Variants in ABCA13 observed in about 807,000 individuals in gnomAD.
ABCA13 encodes the protein ATP-binding cassette sub-family A member 13.
ABCA13 carries 476 observed loss-of-function variants against 478.7 expected under a neutral mutation model. The ratio of observed to expected loss-of-function variants is 0.99; its 90% CI spans 0.92 to 1.07. ABCA13 has a LOEUF of 1.07. Ranked by LOEUF, ABCA13 falls within the 50% of genes least tolerant of loss-of-function variation. The pLI is 0.00. For missense variants in ABCA13, 6,060 were observed against 5,910.6 expected, an observed-to-expected ratio of 1.03 and a Z score of -0.83; for synonymous variants, 2,252 against 2,158.9, an observed-to-expected ratio of 1.04 and a Z score of -1.20.
In ABCA13 at chr7:48,236,875, C is replaced by T. The variant is rs564126670; in HGVS notation, c.898-2366C>T. ...GTAATTGCCTGGTGAGCTCTTCCTG[C>T]CCACTGCACAGACAAAACCAATTCA... On this transcript the variant is annotated intron_variant, in intron 8 of 61. Coordinates refer to ENST00000435803, the MANE Select transcript of ABCA13 (RefSeq NM_152701.5). 1.3e-5 allele frequency among the ~76,000 whole-genome samples: 2 copies of T among 152,248 alleles called. 1 individual carries two copies. Among genetic ancestry groups the T allele is most frequent in the South Asian group, 4.1e-4 (2 of 4,824 alleles).
At chr7:48,330,031 AT>A (rs1805014841) in intron 27 of ABCA13, among the ~76,000 whole-genome samples, 1 of 2,316 alleles carries the variant, frequency 4.3e-4, no homozygotes, top group Admixed American at 6.9e-3. Flanking sequence ...TGATCTATTT[AT>A]CCATCCATCC....
intron 46 of ABCA13, 58 bp downstream of exon 46, chr7:48,481,212 T>C: frequency 7.5e-7 from 1 of 1,341,278 alleles, no homozygotes; most frequent in South Asian, 1.3e-5. Flanking sequence ...GAAAACTTAT[T>C]GTTTTAAATG....
chr7:48,543,898 A>T (rs1267653558), intron 55 of ABCA13, among the ~76,000 whole-genome samples: 2 of 151,748 alleles, frequency 1.3e-5, no homozygotes, highest in Non-Finnish European at 2.9e-5. Flanking sequence ...GGCAATATAT[A>T]TAAAAAATAC....
intron 61 of ABCA13, 38 bp downstream of exon 61, chr7:48,644,792 G>A (rs1342970446): frequency 1.3e-6 from 2 of 1,532,052 alleles, no homozygotes; most frequent in Non-Finnish European, 1.7e-6. Context: ...TTGAATTTTG[G>A]TCTGTTCATC....
At chr7:48,549,633 A>G (rs1454040079) in intron 55 of ABCA13, among the ~76,000 whole-genome samples, 1 of 146,914 alleles carries the variant, frequency 6.8e-6, no homozygotes, top group Non-Finnish European at 1.5e-5. Context: ...TCTTTGAGGA[A>G]TCACCACACG....
chr7:48,418,762 T>A (rs2129113265), intron 41 of ABCA13, among the ~76,000 whole-genome samples: 1 of 152,358 alleles, frequency 6.6e-6, no homozygotes, highest in East Asian at 1.9e-4. Flanking sequence ...AGTGGTGTAT[T>A]TTCAGATTAG....
chr7:48,384,422 T>C (rs1409978276), intron 35 of ABCA13, among the ~76,000 whole-genome samples: 2 of 152,232 alleles, frequency 1.3e-5, no homozygotes, highest in East Asian at 1.9e-4. Context: ...GGCTAACCAG[T>C]GTGTAGCTTC....
At position 48,643,385 on chromosome 7, in the gene ABCA13, C is replaced by G; in HGVS notation, c.14935C>G (p.Gln4979Glu). 6.2e-7 allele frequency: 1 copy of G among 1,611,344 alleles called. No homozygotes were observed. Among genetic ancestry groups the G allele is most frequent in the East Asian group, 2.2e-5 (1 of 44,836 alleles). The change falls in exon 60 of 62, where the codon CAG becomes GAG. Residue 4979 changes from glutamine to glutamate, a missense_variant. Coordinates refer to ENST00000435803, the MANE Select transcript of ABCA13 (RefSeq NM_152701.5). ...DHLKLYFPGI[Q>E]FKGQHLNLLE... is the part of the protein sequence containing the mutation. ...CTTGAAGCTTTATTTTCCAGGAATT[C>G]AGTTCAAGGTAGTGCTAATATCTTG...
intron 31 of ABCA13, among the ~76,000 whole-genome samples, chr7:48,362,409 C>CTTTTTTTTTTTT (rs35795708): frequency 1.4e-4 from 12 of 86,010 alleles, no homozygotes; most frequent in African/African-American, 3.7e-4. Flanking sequence ...TCCTCTTCTT[C>CTTTTTTTTTTTT]TTTTTTTTTT....
chr7:48,498,020 C>T (rs1390481199), intron 48 of ABCA13, among the ~76,000 whole-genome samples: 2 of 152,134 alleles, frequency 1.3e-5, no homozygotes, highest in Non-Finnish European at 2.9e-5. Flanking sequence ...GTTGGTCCCT[C>T]ATGACATGAG....
chr7:48,473,804 T>C (rs1827782864), intron 45 of ABCA13, among the ~76,000 whole-genome samples: 1 of 152,162 alleles, frequency 6.6e-6, no homozygotes, highest in Non-Finnish European at 1.5e-5. Context: ...TAAAAAGTTT[T>C]TTTGTTTGTC....
rs148700648 is a variant in ABCA13, at chr7:48,417,744, T to A, written c.12459+5161T>A. 2.0e-3 allele frequency among the ~76,000 whole-genome samples: 312 copies of A among 152,288 alleles called. 4 individuals carry two copies. The highest frequency in any genetic ancestry group is 6.6e-3 in the African/African-American group (276 of 41,550). On this transcript the variant is annotated intron_variant, in intron 41 of 61. Coordinates refer to ENST00000435803, the MANE Select transcript of ABCA13 (RefSeq NM_152701.5). Reference sequence around the variant, plus strand: ...CTGTTGTACATTCCATGGGTTTGGATGAGTATATAATTCCATGTATCTGCC... The same window carrying A: ...CTGTTGTACATTCCATGGGTTTGGAAGAGTATATAATTCCATGTATCTGCC...
At chr7:48,312,955 CAAGA>C in intron 24 of ABCA13, 108 bp from the exon 25 acceptor site, 1 of 1,173,682 alleles carries the variant, frequency 8.5e-7, no homozygotes, top group Non-Finnish European at 1.1e-6. Context: ...CTCTGAAGTT[CAAGA>C]GAGAATAAAA....
intron 57 of ABCA13, among the ~76,000 whole-genome samples, chr7:48,589,636 T>A (rs773047735): frequency 1.3e-5 from 2 of 152,200 alleles, no homozygotes; most frequent in African/African-American, 2.4e-5. Context: ...TTATCTACAG[T>A]CCCTCTCTTA....
At position 48,297,878 on chromosome 7, in the gene ABCA13, G is replaced by A. The variant is rs138283354; in HGVS notation, c.9200-488G>A. 3.2e-3 allele frequency among the ~76,000 whole-genome samples: 489 copies of A among 150,670 alleles called. 12 individuals carry two copies. The East Asian group carries it at 0.084, about 26-fold the overall frequency. On this transcript the variant is annotated intron_variant, in intron 22 of 61. Coordinates refer to ENST00000435803, the MANE Select transcript of ABCA13 (RefSeq NM_152701.5). ...CAACCTCCGCCTCCTGGGTTCAAGC[G>A]ATTCTCCTGCCTCAGCCTCCTGAGT...
intron 59 of ABCA13, among the ~76,000 whole-genome samples, chr7:48,628,767 T>C (rs1194742230): frequency 6.6e-6 from 1 of 152,220 alleles, no homozygotes; most frequent in Non-Finnish European, 1.5e-5. Context: ...ATAAATGTGC[T>C]CAACGTATTT....
intron 55 of ABCA13, among the ~76,000 whole-genome samples, chr7:48,534,105 G>A (rs932043119): frequency 6.6e-6 from 1 of 152,076 alleles, no homozygotes; most frequent in Non-Finnish European, 1.5e-5. Context: ...CTATTTTGGT[G>A]TATTTTGAGG....
rs771243635 is a variant in ABCA13 at position 48,313,221 on chromosome 7, A to G, written c.9671A>G (p.Asp3224Gly). 23 of 1,609,940 alleles carry G rather than the reference A, an allele frequency of 1.4e-5. No homozygotes were observed. Among genetic ancestry groups the G allele is most frequent in the Non-Finnish European group, 1.8e-5 (21 of 1,178,000 alleles). Residue 3224 changes from aspartate (D) to glycine (G), a missense_variant, in exon 25 of 62, where the codon GAC becomes GGC. Asp to Gly is a moderately conservative substitution (Grantham distance 94). Around this residue, in one of 3 missense-constraint regions of ABCA13, gnomAD observed 4,423 missense variants for 4,309.1 expected, o/e 1.03. Coordinates refer to ENST00000435803, the MANE Select transcript of ABCA13 (RefSeq NM_152701.5). Reference sequence around the variant, plus strand: ...ATCACTGCCTTGCTAGAAACCCTGGACTTTCAACAGGTGTGTGTTTCATCT... The same window carrying G: ...ATCACTGCCTTGCTAGAAACCCTGGGCTTTCAACAGGTGTGTGTTTCATCT... ...FKITALLETL[D>G]FQQVSQNVQA...
chr7:48,513,859 T>G (rs771576415), intron 51 of ABCA13, among the ~76,000 whole-genome samples: 18 of 152,148 alleles, frequency 1.2e-4, no homozygotes, highest in Middle Eastern at 3.2e-3. Context: ...GTAAAAAAAG[T>G]GATGGAATCA....
Sources: gnomAD v4.1 joint callset for allele counts (sites outside exome capture counted in the v4.1 genomes callset) on GRCh38, gnomAD v4.1.1 for gene constraint, gnomAD v4.1.1 regional missense constraint, MANE v1.5 for transcripts, NCBI Gene and HGNC (gene_info 2026-07-23, HGNC 2026-07-21) for gene names.